NOX4: variants seen among roughly 807,000 people sequenced by gnomAD.
NOX4 encodes kidney oxidase-1.
In NOX4, 69 loss-of-function variants were observed where a neutral mutation model predicts 87.6. The ratio of observed to expected loss-of-function variants is 0.79; its 90% CI spans 0.65 to 0.96. NOX4 has a LOEUF of 0.96. Ranked by LOEUF, NOX4 falls within the 40% of genes least tolerant of loss-of-function variation. The pLI is 0.00. For missense variants in NOX4, 680 were observed against 681.5 expected, an observed-to-expected ratio of 1.00 and a Z score of 0.02; for synonymous variants, 275 against 238.2, an observed-to-expected ratio of 1.15 and a Z score of -1.42.
At chr11:89,420,504 G>T (rs1255750827) in intron 8 of NOX4, among the ~76,000 whole-genome samples, 1 of 151,930 alleles carries the variant, frequency 6.6e-6, no homozygotes, top group African/African-American at 2.4e-5. Context: ...TGTTTCCAGT[G>T]CTCTACAACT....
the NOX4 span, among the ~76,000 whole-genome samples, chr11:89,531,588 G>C: frequency 1.7e-4 from 26 of 152,108 alleles, no homozygotes; most frequent in African/African-American, 6.3e-4. Flanking sequence ...TGGGTCATGG[G>C]GGCAGTTTTC....
At chr11:89,489,929 C>A (rs951622657) in intron 2 of NOX4, among the ~76,000 whole-genome samples, 1 of 152,068 alleles carries the variant, frequency 6.6e-6, no homozygotes, top group Non-Finnish European at 1.5e-5. Context: ...TGCCCAGTAT[C>A]TTTCTCATAT....
At chr11:89,446,210 C>G (rs1190080192) in intron 4 of NOX4, among the ~76,000 whole-genome samples, 1 of 152,070 alleles carries the variant, frequency 6.6e-6, no homozygotes. Flanking sequence ...ACTGACAACA[C>G]CAAATATTGG....
chr11:89,446,915 A>C (rs1944734449), intron 4 of NOX4, among the ~76,000 whole-genome samples: 2 of 152,144 alleles, frequency 1.3e-5, no homozygotes, highest in African/African-American at 4.8e-5. Context: ...ATCAATTGTA[A>C]AAAATTGTAC....
the NOX4 span, chr11:89,557,320 G>C: frequency 6.6e-6 from 1 of 152,102 alleles, no homozygotes; most frequent in African/African-American, 2.4e-5. Context: ...ATTACAACCA[G>C]GGCAGTATTT....
chr11:89,445,845 T>C (rs1191738449), intron 4 of NOX4, among the ~76,000 whole-genome samples: 2 of 152,020 alleles, frequency 1.3e-5, no homozygotes, highest in African/African-American at 4.8e-5. Context: ...ACATGATCCA[T>C]GAAAGAAAGA....
intron 2 of NOX4, among the ~76,000 whole-genome samples, chr11:89,469,756 C>CT (rs1178387090): frequency 2.0e-5 from 3 of 152,194 alleles, no homozygotes; most frequent in African/African-American, 7.2e-5. Flanking sequence ...CTTTCTTACT[C>CT]TTTCAGTTGC....
chr11:89,425,440 C>T (rs1007506294), intron 7 of NOX4, among the ~76,000 whole-genome samples: 1 of 149,904 alleles, frequency 6.7e-6, no homozygotes, highest in African/African-American at 2.4e-5. Flanking sequence ...CAAAATCTAC[C>T]CAAAACATTT....
At chr11:89,462,487 ATG>A (rs1471212380) in intron 2 of NOX4, among the ~76,000 whole-genome samples, 1 of 152,168 alleles carries the variant, frequency 6.6e-6, no homozygotes, top group African/African-American at 2.4e-5. Context: ...GTAATTCAGA[ATG>A]TGTTTCTTGT....
At chr11:89,474,580 C>T (rs937262591) in intron 2 of NOX4, among the ~76,000 whole-genome samples, 1 of 151,562 alleles carries the variant, frequency 6.6e-6, no homozygotes, top group African/African-American at 2.4e-5. Context: ...AATTAATTAG[C>T]CTCACATAAT....
chr11:89,438,869 ATATATAATATATAATATATTATATAT>A (rs1944296550), intron 6 of NOX4, among the ~76,000 whole-genome samples: 1 of 46,336 alleles, frequency 2.2e-5, no homozygotes, highest in African/African-American at 1.9e-4. Context: ...TATATATTAT[ATATATAATATATAATATATTATATAT>A]TATATATATA....
In NOX4 at chr11:89,402,368, C is replaced by T. The variant is rs1294741965; in HGVS notation, c.804G>A (p.Lys268=). Residue 268 remains lysine (K), a synonymous_variant, in exon 9 of 18, where the codon AAG becomes AAA. Coordinates refer to ENST00000263317, the MANE Select transcript of NOX4 (RefSeq NM_016931.5). The stretch of plus-strand genomic sequence containing the variant: ...GGAATCTGGGCTCTTCCATACAAAT[C>T]TTCACAAATTTGTGCTGGGTAAACT... ...PAEFTQHKFV[K]ICMEEPRFQA... 6.2e-7 allele frequency: 1 copy of T among 1,613,280 alleles called. No individual in the cohort carries two copies. The highest frequency in any genetic ancestry group is 1.7e-5 in the Admixed American group (1 of 59,910).
At chr11:89,473,515 T>C (rs552166659) in intron 2 of NOX4, among the ~76,000 whole-genome samples, 2 of 152,262 alleles carry the variant, frequency 1.3e-5, no homozygotes, top group South Asian at 2.1e-4. Flanking sequence ...TCTTCATTTA[T>C]TGGAATTTTA....
intron 2 of NOX4, among the ~76,000 whole-genome samples, chr11:89,486,550 GTATA>G (rs1245898915): frequency 6.9e-6 from 1 of 145,546 alleles, no homozygotes; most frequent in African/African-American, 2.5e-5. Context: ...ATATATGTGT[GTATA>G]TATGTGTATA....
At position 89,399,432 on chromosome 11, in the gene NOX4, AATATATATATAT is replaced by A. The variant is rs1208007737; in HGVS notation, c.1074+573_1074+584del. Reference sequence around the variant, plus strand: ...AGAAAAGTAAATATTCAAGAAATTAAATATATATATATATATATATATATATATATATATATA... The same window carrying A: ...AGAAAAGTAAATATTCAAGAAATTAAATATATATATATATATATATATATA... On this transcript the variant is annotated intron_variant, in intron 11 of 17. Coordinates refer to ENST00000263317, the MANE Select transcript of NOX4 (RefSeq NM_016931.5). Among the ~76,000 whole-genome samples the A allele has an allele frequency of 3.7e-3, 281 of 75,650 alleles. 10 individuals are homozygous for A. The highest frequency in any genetic ancestry group is 9.3e-3 in the African/African-American group (182 of 19,498). 49.6% of individuals were successfully genotyped at this position (75,650 alleles called of 152,430 possible). A position where few individuals can be genotyped will look rare whatever the true frequency, so the allele number is the denominator to read the frequency against.
intron 8 of NOX4, among the ~76,000 whole-genome samples, chr11:89,416,110 T>A (rs11018608): frequency 0.099 from 15,143 of 152,214 alleles, 926 homozygotes; most frequent in South Asian, 0.22. Flanking sequence ...AATACCTGTA[T>A]GACCTGGTTT....
the NOX4 span, among the ~76,000 whole-genome samples, chr11:89,539,346 C>T: frequency 1.3e-5 from 2 of 151,898 alleles, no homozygotes; most frequent in Non-Finnish European, 2.9e-5. Context: ...GCAGGAAAAT[C>T]GCCTGAACCC....
At chr11:89,368,500 G>A (rs1939188053) in intron 12 of NOX4, among the ~76,000 whole-genome samples, 2 of 152,184 alleles carry the variant, frequency 1.3e-5, no homozygotes, top group South Asian at 4.1e-4. Flanking sequence ...CCTTACTGCT[G>A]TGTCCTTACA....
upstream of NOX4, among the ~76,000 whole-genome samples, chr11:89,496,981 G>A (rs926252702): frequency 6.6e-6 from 1 of 152,108 alleles, no homozygotes; most frequent in African/African-American, 2.4e-5. Flanking sequence ...ATATTAAGTA[G>A]TAGATTTCCA....
Sources: allele counts gnomAD v4.1 joint callset (sites outside exome capture counted in the v4.1 genomes callset), GRCh38; gene constraint gnomAD v4.1.1; transcripts MANE v1.5; gene names NCBI Gene and HGNC (gene_info 2026-07-23, HGNC 2026-07-21).